The following CLNK variants were observed in gnomAD, a reference collection of about 807,000 sequenced individuals.
CLNK encodes cytokine-dependent hematopoietic cell linker.
A neutral mutation model predicts 68.6 loss-of-function variants in CLNK; 74 were observed. That is an observed-to-expected ratio of 1.08 (90% CI 0.89 to 1.31). The LOEUF (loss-of-function observed/expected upper bound fraction) is 1.31. Ranked by LOEUF, CLNK falls within the 50% of genes most tolerant of loss-of-function variation. The pLI, the probability that CLNK is intolerant of heterozygous loss-of-function variation, is 0.00. For synonymous variants in CLNK, 198 were observed against 172.2 expected (o/e 1.15, Z -1.17); for missense variants, 553 against 515.3 (o/e 1.07, Z -0.71).
chr4:10,606,595 T>C (rs912130720), intron 2 of CLNK, among the ~76,000 whole-genome samples: 5 of 152,260 alleles, frequency 3.3e-5, no homozygotes, highest in Non-Finnish European at 7.3e-5. Context: ...AGCACAGTTT[T>C]GTTTACACCA....
the CLNK span, among the ~76,000 whole-genome samples, chr4:10,714,533 T>C: frequency 2.0e-5 from 3 of 152,240 alleles, no homozygotes; most frequent in Non-Finnish European, 2.9e-5. Context: ...TTCAAATGGC[T>C]AAATATTTTC....
chr4:10,542,286 A>G lies in CLNK; in HGVS notation c.446-6T>C. On this transcript the variant is annotated splice_region_variant and splice_polypyrimidine_tract_variant and intron_variant, in intron 8 of 18. Transcript: ENST00000226951. ...CTTTCTTACGGATGCATCTCCTAAAACATAAGAGGGAATAGCAGTGAATTT... is the reference window on the plus strand; with the variant it reads ...CTTTCTTACGGATGCATCTCCTAAAGCATAAGAGGGAATAGCAGTGAATTT... The G allele has an allele frequency of 6.5e-7, 1 of 1,531,114 alleles. No individual in the cohort carries two copies. Among genetic ancestry groups the G allele is most frequent in the Non-Finnish European group, 8.9e-7 (1 of 1,119,566 alleles). 94.8% of individuals were successfully genotyped at this position (1,531,114 alleles called of 1,614,324 possible). A position where few individuals can be genotyped will look rare whatever the true frequency, so the allele number is the denominator to read the frequency against.
chr4:10,595,523 C>T (rs986100154), intron 3 of CLNK, among the ~76,000 whole-genome samples: 1 of 152,094 alleles, frequency 6.6e-6, no homozygotes, highest in South Asian at 2.1e-4. Context: ...CCTCCCAGGC[C>T]GTATCATCCA....
At chr4:10,687,834 T>C (rs1176879984), upstream of CLNK, among the ~76,000 whole-genome samples, 1 of 152,162 alleles carries the variant, frequency 6.6e-6, no homozygotes, top group Non-Finnish European at 1.5e-5. Context: ...TCATTTTGTG[T>C]TCATTGCTTC....
the CLNK span, among the ~76,000 whole-genome samples, chr4:10,723,836 TG>T: frequency 1.7e-3 from 165 of 99,934 alleles, 2 homozygotes; most frequent in African/African-American, 4.8e-3. Context: ...CTGTGTTCAC[TG>T]AAATGCTAGT....
intron 5 of CLNK, among the ~76,000 whole-genome samples, chr4:10,569,056 T>C (rs1720235957): frequency 6.6e-6 from 1 of 152,208 alleles, no homozygotes; most frequent in African/African-American, 2.4e-5. Context: ...GCTGACACCA[T>C]CATTTTTGAA....
At chr4:10,572,586 T>A (rs1720395100) in intron 4 of CLNK, among the ~76,000 whole-genome samples, 1 of 152,256 alleles carries the variant, frequency 6.6e-6, no homozygotes, top group South Asian at 2.1e-4. Context: ...TTTCCTTTTT[T>A]AAATTAAATT....
In CLNK at chr4:10,528,107, A is replaced by T. The variant is rs1218611854; in HGVS notation, c.631-13T>A. 4.8e-6 allele frequency: 6 copies of T among 1,241,858 alleles called. No individual in the cohort carries two copies. Among genetic ancestry groups the T allele is most frequent in the African/African-American group, 1.6e-5 (1 of 63,912 alleles). 76.9% of individuals were successfully genotyped at this position (1,241,858 alleles called of 1,614,324 possible). On this transcript the variant is annotated splice_polypyrimidine_tract_variant and intron_variant, in intron 12 of 18. Coordinates refer to ENST00000226951, the MANE Select transcript of CLNK (RefSeq NM_052964.4). ...CTGCTTCAAGGACCTGTATTGAATT[A>T]AAAAAAATAAAATTTACTGACTCTT...
At chr4:10,671,834 G>A (rs879571809) in intron 1 of CLNK, among the ~76,000 whole-genome samples, 1 of 152,164 alleles carries the variant, frequency 6.6e-6, no homozygotes, top group African/African-American at 2.4e-5. Context: ...TTTCCAAGAC[G>A]AAGTGCCTTG....
intron 4 of CLNK, among the ~76,000 whole-genome samples, chr4:10,578,940 A>G (rs1408825850): frequency 1.3e-5 from 2 of 152,140 alleles, no homozygotes; most frequent in Non-Finnish European, 2.9e-5. Context: ...TAAGTTTATA[A>G]AGTGCCAGGC....
At chr4:10,609,133 C>T (rs922611322) in intron 2 of CLNK, among the ~76,000 whole-genome samples, 2 of 152,206 alleles carry the variant, frequency 1.3e-5, no homozygotes, top group Non-Finnish European at 2.9e-5. Context: ...AGCTGACAGC[C>T]AAGTGAGTGG....
intron 4 of CLNK, among the ~76,000 whole-genome samples, chr4:10,580,567 C>T (rs563940156): frequency 3.3e-5 from 5 of 152,008 alleles, no homozygotes; most frequent in African/African-American, 7.2e-5. Context: ...ATTGATGATC[C>T]TGATGCTCAG....
At chr4:10,652,446 T>C (rs1221142217) in intron 2 of CLNK, among the ~76,000 whole-genome samples, 1 of 150,132 alleles carries the variant, frequency 6.7e-6, no homozygotes, top group African/African-American at 2.5e-5. Flanking sequence ...AAATTCTGTA[T>C]GTTTTTTATA....
At chr4:10,510,698 T>C (rs1168446402) in intron 16 of CLNK, among the ~76,000 whole-genome samples, 1 of 152,222 alleles carries the variant, frequency 6.6e-6, no homozygotes, top group Non-Finnish European at 1.5e-5. Flanking sequence ...AGGCTTCATC[T>C]GTACAATGAG....
In CLNK at chr4:10,575,729, C is replaced by T. The variant is rs189590959; in HGVS notation, c.113-3951G>A. 3.5e-3 allele frequency among the ~76,000 whole-genome samples: 528 copies of T among 152,352 alleles called. 2 individuals carry two copies. Among genetic ancestry groups the T allele is most frequent in the African/African-American group, 0.012 (508 of 41,574 alleles). ...TGCCTTGATAGCTGGGCAGAGACCC[C>T]AAGGCCCATGGGGATGATGGAAGCT... On this transcript the variant is annotated intron_variant, in intron 4 of 18. Coordinates refer to ENST00000226951, the MANE Select transcript of CLNK (RefSeq NM_052964.4).
Position 10,512,816 on chromosome 4 carries a change from A to G in CLNK, c.906+648T>C, listed in dbSNP as rs1376196276. On this transcript the variant is annotated intron_variant, in intron 16 of 18. Coordinates refer to ENST00000226951, the MANE Select transcript of CLNK (RefSeq NM_052964.4). ...ACATCCAATGTGATGGAGAGAAAGC[A>G]TACAAGATACAGTGAAACTTTATCC... 7.9e-5 allele frequency among the ~76,000 whole-genome samples: 12 copies of G among 151,476 alleles called. No individual in the cohort carries two copies. The Admixed American group carries it at 7.9e-4, about 10-fold the overall frequency.
chr4:10,727,743 A>G, the CLNK span, among the ~76,000 whole-genome samples: 293 of 152,324 alleles, frequency 1.9e-3, 1 homozygote, highest in Non-Finnish European at 3.0e-3. Context: ...AGCAACGAAT[A>G]AGTAAAATAC....
the CLNK span, chr4:10,697,130 G>C: frequency 6.6e-6 from 1 of 152,164 alleles, no homozygotes; most frequent in Non-Finnish European, 1.5e-5. Context: ...CAGGTGAATG[G>C]TTCCAGACAC....
intron 2 of CLNK, among the ~76,000 whole-genome samples, chr4:10,624,344 C>G (rs1466824179): frequency 6.6e-6 from 1 of 152,174 alleles, no homozygotes; most frequent in Admixed American, 6.5e-5. Context: ...TCTCGCTCTG[C>G]TGCCCAGGCG....
Sources: gnomAD v4.1 joint callset for allele counts (sites outside exome capture counted in the v4.1 genomes callset) on GRCh38, gnomAD v4.1.1 for gene constraint, MANE v1.5 for transcripts, NCBI Gene and HGNC (gene_info 2026-07-23, HGNC 2026-07-21) for gene names.